Variants in ESR1 observed in about 807,000 individuals in gnomAD.
ESR1 encodes estrogen receptor 1.
ESR1 carries 12 observed loss-of-function variants against 52.7 expected under a neutral mutation model. That is an observed-to-expected ratio of 0.23 (90% CI 0.15 to 0.37). The LOEUF (loss-of-function observed/expected upper bound fraction) is 0.37. Ranked by LOEUF, ESR1 falls within the 10% of genes least tolerant of loss-of-function variation. The probability of loss-of-function intolerance (pLI) is 1.00; values close to 1 mark genes in which losing one functional copy is unlikely to be tolerated. For missense variants in ESR1, 584 were observed against 779.7 expected, an observed-to-expected ratio of 0.75 and a Z score of 2.99; for synonymous variants, 305 against 316.8, an observed-to-expected ratio of 0.96 and a Z score of 0.39.
At position 151,884,114 on chromosome 6, in the gene ESR1, G is replaced by A. The variant is rs75924577; in HGVS notation, c.760+3343G>A. 3.4e-4 allele frequency among the ~76,000 whole-genome samples: 52 copies of A among 152,234 alleles called. No homozygotes were observed. The East Asian group carries it at 7.5e-3, about 22-fold the overall frequency. ...AAGGAAAACATGTATCTTTCTGGCA[G>A]TTTTTATATGTACATAAGTTTTAAA... On this transcript the variant is annotated intron_variant, in intron 3 of 7. Coordinates refer to ENST00000206249, the MANE Select transcript of ESR1 (RefSeq NM_000125.4).
intron 2 of ESR1, among the ~76,000 whole-genome samples, chr6:151,761,086 G>A (rs2128096274): frequency 6.6e-6 from 1 of 151,886 alleles, no homozygotes; most frequent in Non-Finnish European, 1.5e-5. Context: ...GCTGGGCGAA[G>A]GGTATGCAAA....
chr6:151,807,822 C>T lies in ESR1; in HGVS notation c.-91C>T. ...ACATGCGCTGCGTCGCCTCTAACCTCGGGCTGTGCTCTTTTTCCAGGTGGC... is the reference window on the plus strand; with the variant it reads ...ACATGCGCTGCGTCGCCTCTAACCTTGGGCTGTGCTCTTTTTCCAGGTGGC... On this transcript the variant is annotated 5_prime_UTR_variant, in exon 1 of 8. Coordinates refer to ENST00000206249, the MANE Select transcript of ESR1 (RefSeq NM_000125.4). 5 of 1,174,032 alleles carry T rather than the reference C, an allele frequency of 4.3e-6. No individual in the cohort carries two copies. In the South Asian group the frequency reaches 5.2e-5, roughly 12 times the overall value. 72.7% of individuals were successfully genotyped at this position (1,174,032 alleles called of 1,614,324 possible).
At chr6:152,116,613 A>AGTG (rs1473409182) in intron 6 of ESR1, among the ~76,000 whole-genome samples, 8 of 152,300 alleles carry the variant, frequency 5.3e-5, no homozygotes, top group East Asian at 3.9e-4. Flanking sequence ...TTTTTTAACA[A>AGTG]TTAGCCTTTA....
chr6:151,813,347 G>A lies in ESR1; in HGVS notation c.452+4983G>A, dbSNP rs112178667. ...AAAGAGTATGACTTTCTTACAACCC[G>A]CTTGTAAGTGATGTGGTGGTGGTAA... On this transcript the variant is annotated intron_variant, in intron 1 of 7. Transcript: ENST00000206249. The A allele has an allele frequency of 6.9e-4, 105 of 152,222 alleles. 1 individual carries two copies. The highest frequency in any genetic ancestry group is 2.3e-3 in the African/African-American group (97 of 41,526). 9.4% of individuals were successfully genotyped at this position (152,222 alleles called of 1,614,324 possible).
chr6:151,870,120 C>T (rs1017809541), intron 2 of ESR1, among the ~76,000 whole-genome samples: 58 of 152,298 alleles, frequency 3.8e-4, no homozygotes, highest in African/African-American at 1.4e-3. Context: ...TATTTCCAAA[C>T]ATAATACTGC....
At chr6:151,941,046 T>G (rs2034996375) in intron 3 of ESR1, among the ~76,000 whole-genome samples, 3 of 152,360 alleles carry the variant, frequency 2.0e-5, no homozygotes, top group South Asian at 4.1e-4. Flanking sequence ...ACCTAAGTGC[T>G]GTTCTTTGGA....
intron 6 of ESR1, among the ~76,000 whole-genome samples, chr6:152,066,765 G>A (rs2047997270): frequency 6.6e-6 from 1 of 152,178 alleles, no homozygotes; most frequent in African/African-American, 2.4e-5. Flanking sequence ...GGTATAGCAT[G>A]GACTTTGTCA....
chr6:151,751,044 C>T (rs998932715), intron 2 of ESR1, among the ~76,000 whole-genome samples: 4 of 152,166 alleles, frequency 2.6e-5, no homozygotes, highest in Non-Finnish European at 5.9e-5. Context: ...CTTAAAACAG[C>T]ATTTGATAGA....
chr6:151,803,014 A>G (rs1039994474), upstream of ESR1, among the ~76,000 whole-genome samples: 8 of 152,090 alleles, frequency 5.3e-5, no homozygotes, highest in Non-Finnish European at 1.2e-4. Flanking sequence ...AAAATGGTAG[A>G]ATGTCACATG....
At chr6:151,752,764 A>G (rs1468115029) in intron 2 of ESR1, among the ~76,000 whole-genome samples, 1 of 152,188 alleles carries the variant, frequency 6.6e-6, no homozygotes, top group Non-Finnish European at 1.5e-5. Context: ...TTCAGAAACT[A>G]TTTATGAGGG....
intron 4 of ESR1, among the ~76,000 whole-genome samples, chr6:152,010,958 A>G (rs9340967): frequency 0.018 from 2,717 of 149,030 alleles, 75 homozygotes; most frequent in African/African-American, 0.063. Context: ...CTTTCTTCCT[A>G]CCTCCTTCTC....
In ESR1 at chr6:152,007,412, A is replaced by G. The variant is rs569284788; in HGVS notation, c.1097-4244A>G. 5.9e-5 allele frequency among the ~76,000 whole-genome samples: 9 copies of G among 152,080 alleles called. No homozygotes were observed. The East Asian group carries it at 1.7e-3, about 30-fold the overall frequency. The stretch of plus-strand genomic sequence containing the variant: ...GAAGCTATAAGTAGTGAGCTGATTT[A>G]TGATGGAGGGGTGAATTGTGCCATG... On this transcript the variant is annotated intron_variant, in intron 4 of 7. Coordinates refer to ENST00000206249, the MANE Select transcript of ESR1 (RefSeq NM_000125.4).
At chr6:151,825,698 G>A (rs1470791642) in intron 1 of ESR1, among the ~76,000 whole-genome samples, 1 of 152,054 alleles carries the variant, frequency 6.6e-6, no homozygotes, top group Admixed American at 6.5e-5. Context: ...GACCACCTGA[G>A]GTCAGGAGTT....
intron 3 of ESR1, among the ~76,000 whole-genome samples, chr6:151,934,174 A>G (rs766080453): frequency 2.1e-4 from 32 of 152,152 alleles, no homozygotes; most frequent in Non-Finnish European, 3.1e-4. Flanking sequence ...TTTCCTTCCC[A>G]GTGTCAGTAT....
chr6:152,057,499 C>T (rs779964057), intron 5 of ESR1, among the ~76,000 whole-genome samples: 1 of 152,102 alleles, frequency 6.6e-6, no homozygotes, highest in Non-Finnish European at 1.5e-5. Context: ...CTAAACAGTA[C>T]TGCTTAGAAA....
At chr6:152,103,952 T>C (rs1489683565), downstream of ESR1, among the ~76,000 whole-genome samples, 1 of 150,032 alleles carries the variant, frequency 6.7e-6, no homozygotes, top group Admixed American at 6.7e-5. Flanking sequence ...GCTCTGCAGC[T>C]AGATTACTGT....
chr6:151,717,838 T>C (rs1455464044), intron 2 of ESR1, among the ~76,000 whole-genome samples: 1 of 152,222 alleles, frequency 6.6e-6, no homozygotes, highest in Non-Finnish European at 1.5e-5. Context: ...ATAGGAATAA[T>C]TGTGCTTTGA....
chr6:152,085,581 G>A (rs1291856792), intron 6 of ESR1, among the ~76,000 whole-genome samples: 1 of 152,102 alleles, frequency 6.6e-6, no homozygotes, highest in Non-Finnish European at 1.5e-5. Flanking sequence ...AGCAATTGAT[G>A]TTGGCTGTTG....
At chr6:151,785,250 A>C (rs1477795261) in intron 2 of ESR1, among the ~76,000 whole-genome samples, 1 of 152,222 alleles carries the variant, frequency 6.6e-6, no homozygotes, top group African/African-American at 2.4e-5. Flanking sequence ...ATGAGCCTGG[A>C]GACGGGGAGT....
Sources: allele counts gnomAD v4.1 joint callset (sites outside exome capture counted in the v4.1 genomes callset), GRCh38; gene constraint gnomAD v4.1.1; transcripts MANE v1.5; gene names NCBI Gene and HGNC (gene_info 2026-07-23, HGNC 2026-07-21).